ARB2A: variants seen among roughly 807,000 people sequenced by gnomAD.
ARB2A encodes the protein ARB2 cotranscriptional regulator A, also known as cotranscriptional regulator ARB2A.
chr5:93,816,350 C>T, the ARB2A span, among the ~76,000 whole-genome samples: 2 of 152,080 alleles, frequency 1.3e-5, no homozygotes, highest in East Asian at 1.9e-4. Flanking sequence ...CTCATATTTG[C>T]AGTAAAATAC....
chr5:93,834,186 G>C, the ARB2A span, among the ~76,000 whole-genome samples: 53 of 152,330 alleles, frequency 3.5e-4, 1 homozygote, highest in African/African-American at 1.3e-3. Context: ...AGTAATAAGT[G>C]ATAGTTGAAA....
the ARB2A span, among the ~76,000 whole-genome samples, chr5:94,096,335 A>G: frequency 1.3e-5 from 2 of 152,190 alleles, no homozygotes. Flanking sequence ...AAGGGGTATC[A>G]CTTGTATGCC....
chr5:93,989,328 TA>T, the ARB2A span, among the ~76,000 whole-genome samples: 1 of 152,186 alleles, frequency 6.6e-6, no homozygotes, highest in African/African-American at 2.4e-5. Flanking sequence ...ATAACTACTA[TA>T]TATGAGAACA....
chr5:93,688,987 T>C, the ARB2A span, among the ~76,000 whole-genome samples: 1 of 152,212 alleles, frequency 6.6e-6, no homozygotes, highest in Non-Finnish European at 1.5e-5. Flanking sequence ...ACTGAAAAAT[T>C]CAAATCTAAT....
chr5:93,876,400 T>C, the ARB2A span, among the ~76,000 whole-genome samples: 1 of 152,124 alleles, frequency 6.6e-6, no homozygotes, highest in Non-Finnish European at 1.5e-5. Context: ...AACCATAATA[T>C]ATGCTAGCAA....
chr5:93,898,895 T>G, the ARB2A span, among the ~76,000 whole-genome samples: 2 of 152,072 alleles, frequency 1.3e-5, no homozygotes, highest in Non-Finnish European at 2.9e-5. Context: ...CACTTAATCA[T>G]TCCTAAAACC....
the ARB2A span, chr5:94,050,720 ATG>A: frequency 6.3e-7 from 1 of 1,577,778 alleles, no homozygotes. Context: ...AAAGTAGTAT[ATG>A]TGACATACCT....
chr5:93,706,524 T>C, the ARB2A span, among the ~76,000 whole-genome samples: 1 of 152,216 alleles, frequency 6.6e-6, no homozygotes, highest in Non-Finnish European at 1.5e-5. Flanking sequence ...ACTGTGCTCC[T>C]TTAAATGGCT....
the ARB2A span, among the ~76,000 whole-genome samples, chr5:94,024,709 T>C: frequency 6.6e-6 from 1 of 152,024 alleles, no homozygotes; most frequent in Non-Finnish European, 1.5e-5. Flanking sequence ...TTCTAGCCTA[T>C]GTGGATAAGA....
the ARB2A span, among the ~76,000 whole-genome samples, chr5:93,761,569 T>A: frequency 6.6e-6 from 1 of 152,166 alleles, no homozygotes. Context: ...AAGCTCGAAC[T>A]GGGTGGAGCC....
At chr5:93,960,569 A>G in the ARB2A span, among the ~76,000 whole-genome samples, 74 of 152,220 alleles carry the variant, frequency 4.9e-4, 2 homozygotes, top group Non-Finnish European at 1.2e-4. Flanking sequence ...AGCACATTGT[A>G]GGCACTCAGT....
chr5:93,972,444 G>A, the ARB2A span, among the ~76,000 whole-genome samples: 3 of 150,674 alleles, frequency 2.0e-5, no homozygotes, highest in Non-Finnish European at 3.0e-5. Context: ...AAATCAAGAC[G>A]CCCCATCCAA....
the ARB2A span, among the ~76,000 whole-genome samples, chr5:93,884,659 G>C: frequency 6.6e-6 from 1 of 151,454 alleles, no homozygotes; most frequent in African/African-American, 2.4e-5. Context: ...TAATTAATGT[G>C]ACAACAATCA....
At chr5:93,886,690 C>T in the ARB2A span, among the ~76,000 whole-genome samples, 1 of 151,642 alleles carries the variant, frequency 6.6e-6, no homozygotes, top group Non-Finnish European at 1.5e-5. Context: ...GGAACTGCAG[C>T]TCTGCTTGAA....
At chr5:93,924,018 T>C in the ARB2A span, among the ~76,000 whole-genome samples, 2 of 152,098 alleles carry the variant, frequency 1.3e-5, no homozygotes, top group African/African-American at 2.4e-5. Context: ...ATTATCCAAT[T>C]TGTGTTTTCT....
the ARB2A span, among the ~76,000 whole-genome samples, chr5:93,720,107 G>A: frequency 9.2e-5 from 14 of 152,042 alleles, no homozygotes; most frequent in Non-Finnish European, 1.8e-4. Flanking sequence ...AACAGCTATC[G>A]CTTAATCTTC....
the ARB2A span, among the ~76,000 whole-genome samples, chr5:93,916,033 CAGTAA>C: frequency 6.6e-6 from 1 of 152,092 alleles, no homozygotes; most frequent in African/African-American, 2.4e-5. Flanking sequence ...TTCCATATCA[CAGTAA>C]AGCTGAAGTA....
chr5:93,840,783 G>T, the ARB2A span, among the ~76,000 whole-genome samples: 1 of 152,090 alleles, frequency 6.6e-6, no homozygotes, highest in Non-Finnish European at 1.5e-5. Flanking sequence ...TAATTAATTT[G>T]ATCAAGGTCA....
the ARB2A span, among the ~76,000 whole-genome samples, chr5:93,980,607 T>C: frequency 8.0e-4 from 122 of 152,262 alleles, no homozygotes; most frequent in African/African-American, 2.4e-3. Flanking sequence ...TAAGCTCTTT[T>C]TCATATTTTC....
Sources: allele counts gnomAD v4.1 joint callset (sites outside exome capture counted in the v4.1 genomes callset), GRCh38; gene constraint gnomAD v4.1.1; transcripts MANE v1.5; gene names NCBI Gene and HGNC (gene_info 2026-07-23, HGNC 2026-07-21).